The following CSMD1 variants were observed in gnomAD, a reference collection of about 807,000 sequenced individuals.
CSMD1 encodes the protein CUB and sushi domain-containing protein 1.
Under a neutral mutation model 417.5 loss-of-function variants are expected in CSMD1, and 213 were observed. The observed-to-expected ratio is 0.51, with a 90% confidence interval of 0.46 to 0.57. The LOEUF is 0.57. CSMD1 is among the 20% of genes least tolerant of loss of function. The pLI, the probability that CSMD1 is intolerant of heterozygous loss-of-function variation, is 0.00. For synonymous variants in CSMD1, 2,862 were observed against 1,736.8 expected (o/e 1.65, Z -16.11); for missense variants, 6,923 against 4,529.7 (o/e 1.53, Z -15.17).
intron 1 of CSMD1, among the ~76,000 whole-genome samples, chr8:4,951,146 C>G (rs1428361045): frequency 6.6e-6 from 1 of 152,012 alleles, no homozygotes; most frequent in Non-Finnish European, 1.5e-5. Flanking sequence ...TGGACTGTCC[C>G]CTTGTTTCTG....
At chr8:3,253,526 C>T (rs1029541185) in intron 26 of CSMD1, among the ~76,000 whole-genome samples, 1 of 152,080 alleles carries the variant, frequency 6.6e-6, no homozygotes, top group African/African-American at 2.4e-5. Flanking sequence ...GTGGAGAGTT[C>T]TGTAGATGTC....
chr8:4,227,056 C>G (rs937421403), intron 3 of CSMD1, among the ~76,000 whole-genome samples: 1 of 152,110 alleles, frequency 6.6e-6, no homozygotes, highest in African/African-American at 2.4e-5. Flanking sequence ...TAAGACTGAA[C>G]GACTCTGAAG....
chr8:3,323,487 TACTC>T (rs1217352091), intron 23 of CSMD1, among the ~76,000 whole-genome samples: 11 of 152,172 alleles, frequency 7.2e-5, no homozygotes, highest in Non-Finnish European at 1.2e-4. Context: ...CCCATGATCT[TACTC>T]ACACCATTTT....
At chr8:3,886,294 C>G (rs1204245479) in intron 5 of CSMD1, among the ~76,000 whole-genome samples, 1 of 152,188 alleles carries the variant, frequency 6.6e-6, no homozygotes, top group Non-Finnish European at 1.5e-5. Context: ...AGTAATCCGA[C>G]TGCCTCAGCC....
At chr8:3,546,746 G>A (rs972563054) in intron 10 of CSMD1, among the ~76,000 whole-genome samples, 1 of 152,204 alleles carries the variant, frequency 6.6e-6, no homozygotes, top group Non-Finnish European at 1.5e-5. Context: ...GCAGAAATCA[G>A]CCTGCACAGT....
Position 2,955,672 on chromosome 8 carries a change from G to A in CSMD1, c.9911C>T (p.Pro3304Leu). 1.2e-6 allele frequency: 2 copies of A among 1,613,904 alleles called. No homozygotes were observed. Among genetic ancestry groups the A allele is most frequent in the Non-Finnish European group, 1.7e-6 (2 of 1,179,824 alleles). Residue 3304 changes from proline to leucine, a missense_variant, in exon 64 of 70, where the codon CCA (proline) becomes CTA (leucine). By Grantham distance (98) the Pro-to-Leu change is moderately conservative (BLOSUM62 -3). Transcript: ENST00000635120. ...FGYTLVYTCH[P>L]GFFLAGGSEH... ...AGATCCCCCTGCGAGGAAAAAGCCT[G>A]GATGGCAGGTGTACACTAAGGTGTA... is the stretch of plus-strand genomic sequence containing the variant.
At chr8:4,356,490 G>C (rs776440226) in intron 3 of CSMD1, among the ~76,000 whole-genome samples, 1 of 152,080 alleles carries the variant, frequency 6.6e-6, no homozygotes, top group Non-Finnish European at 1.5e-5. Flanking sequence ...TAGATACCTG[G>C]GAGTGGGATT....
intron 1 of CSMD1, among the ~76,000 whole-genome samples, chr8:4,816,158 G>A (rs999955732): frequency 1.3e-5 from 2 of 151,950 alleles, no homozygotes; most frequent in Non-Finnish European, 2.9e-5. Flanking sequence ...GCATGCTTTG[G>A]CTCAGGTTGG....
At chr8:4,157,069 T>G (rs551438625) in intron 3 of CSMD1, among the ~76,000 whole-genome samples, 1 of 152,124 alleles carries the variant, frequency 6.6e-6, no homozygotes. Flanking sequence ...AGAACAGGGA[T>G]GGACCCGCCA....
At chr8:4,581,457 T>A (rs1195510458) in intron 2 of CSMD1, among the ~76,000 whole-genome samples, 1 of 152,228 alleles carries the variant, frequency 6.6e-6, no homozygotes, top group Non-Finnish European at 1.5e-5. Context: ...TGTTTTCTAT[T>A]TTGAAAACTG....
intron 1 of CSMD1, among the ~76,000 whole-genome samples, chr8:4,679,113 C>A (rs567388043): frequency 1.3e-5 from 2 of 152,242 alleles, no homozygotes; most frequent in South Asian, 4.1e-4. Flanking sequence ...GCGCAAGTTT[C>A]TTTTTCTGTC....
intron 2 of CSMD1, among the ~76,000 whole-genome samples, chr8:4,467,915 A>C (rs750813039): frequency 2.0e-5 from 3 of 152,228 alleles, no homozygotes; most frequent in Non-Finnish European, 4.4e-5. Context: ...TTTGGGATCC[A>C]AACAGTTGGA....
intron 23 of CSMD1, among the ~76,000 whole-genome samples, chr8:3,314,832 G>C (rs1189138860): frequency 6.6e-6 from 1 of 152,288 alleles, no homozygotes; most frequent in Middle Eastern, 3.4e-3. Context: ...TCCAAATAAA[G>C]CACTTGTGTT....
intron 4 of CSMD1, among the ~76,000 whole-genome samples, chr8:4,001,888 G>C (rs953597334): frequency 1.3e-5 from 2 of 149,896 alleles, no homozygotes; most frequent in African/African-American, 4.9e-5. Context: ...AATTAAGGTA[G>C]CACAGAGGAA....
intron 1 of CSMD1, among the ~76,000 whole-genome samples, chr8:4,770,250 C>T (rs950335772): frequency 1.4e-5 from 2 of 147,106 alleles, no homozygotes; most frequent in South Asian, 2.1e-4. Context: ...TATATGTATT[C>T]CTAATTACAT....
At chr8:3,671,635 A>G (rs1799073405) in intron 7 of CSMD1, among the ~76,000 whole-genome samples, 2 of 145,548 alleles carry the variant, frequency 1.4e-5, no homozygotes, top group Admixed American at 7.0e-5. Context: ...CTAATATACC[A>G]TCTATTTAGG....
intron 3 of CSMD1, among the ~76,000 whole-genome samples, chr8:4,228,086 G>A (rs915502144): frequency 2.0e-5 from 3 of 151,946 alleles, no homozygotes; most frequent in Middle Eastern, 3.2e-3. Context: ...CACACCAGGA[G>A]ACACACTCTC....
At chr8:4,561,215 A>G (rs989238516) in intron 2 of CSMD1, among the ~76,000 whole-genome samples, 1 of 152,112 alleles carries the variant, frequency 6.6e-6, no homozygotes, top group South Asian at 2.1e-4. Flanking sequence ...GCTAAAATAC[A>G]AAAAAACAAA....
intron 1 of CSMD1, among the ~76,000 whole-genome samples, chr8:4,673,434 G>A (rs997952738): frequency 2.0e-5 from 3 of 152,042 alleles, no homozygotes; most frequent in Admixed American, 6.6e-5. Context: ...AGGGCCCAGA[G>A]GTGTTGAGGC....
Sources: gnomAD v4.1 joint callset for allele counts (sites outside exome capture counted in the v4.1 genomes callset) on GRCh38, gnomAD v4.1.1 for gene constraint, MANE v1.5 for transcripts, NCBI Gene and HGNC (gene_info 2026-07-23, HGNC 2026-07-21) for gene names.